The following TASP1 variants were observed in gnomAD, a reference collection of about 807,000 sequenced individuals.
TASP1 encodes taspase 1, also known as threonine aspartase 1.
In TASP1, 16 loss-of-function variants were observed where a neutral mutation model predicts 56.6. The ratio of observed to expected loss-of-function variants is 0.28; its 90% confidence interval spans 0.19 to 0.43. The LOEUF (loss-of-function observed/expected upper bound fraction) is 0.43, where lower values mean the gene tolerates loss of function less well. Among genes scored for constraint, TASP1 ranks in the 20% least tolerant of loss-of-function variants. The pLI is 1.00. For missense variants in TASP1, 393 were observed against 511.6 expected, an observed-to-expected ratio of 0.77 and a Z score of 2.24; for synonymous variants, 179 against 184.2, an observed-to-expected ratio of 0.97 and a Z score of 0.23.
chr20:13,182,745 G>T, the TASP1 span, among the ~76,000 whole-genome samples: 1 of 152,078 alleles, frequency 6.6e-6, no homozygotes, highest in Non-Finnish European at 1.5e-5. Context: ...ACCCACAGCA[G>T]AAATTAATAA....
intron 11 of TASP1, among the ~76,000 whole-genome samples, chr20:13,437,888 C>T (rs6134872): frequency 0.16 from 24,762 of 152,056 alleles, 2,363 homozygotes; most frequent in Middle Eastern, 0.23. Context: ...GAACACTCCA[C>T]GCTCATGGGT....
At chr20:13,547,967 T>A (rs938113511) in intron 8 of TASP1, among the ~76,000 whole-genome samples, 1 of 151,996 alleles carries the variant, frequency 6.6e-6, no homozygotes, top group Non-Finnish European at 1.5e-5. Flanking sequence ...GAGAGACAAT[T>A]GGAGCAGCAC....
At chr20:13,328,895 TG>T in the TASP1 span, among the ~76,000 whole-genome samples, 2 of 152,132 alleles carry the variant, frequency 1.3e-5, no homozygotes, top group African/African-American at 4.8e-5. Flanking sequence ...CAGCAAACCA[TG>T]GCAAACATTT....
intron 10 of TASP1, among the ~76,000 whole-genome samples, chr20:13,505,202 A>C (rs2044086564): frequency 6.6e-6 from 1 of 152,162 alleles, no homozygotes; most frequent in South Asian, 2.1e-4. Context: ...TGATAAAGTG[A>C]TTAATTCACC....
chr20:13,443,080 C>T (rs374423055), intron 11 of TASP1, among the ~76,000 whole-genome samples: 5 of 152,174 alleles, frequency 3.3e-5, no homozygotes, highest in African/African-American at 1.2e-4. Context: ...CATTTGGTGG[C>T]AGTAACATTG....
intron 6 of TASP1, among the ~76,000 whole-genome samples, chr20:13,571,757 C>A (rs1412941447): frequency 6.6e-6 from 1 of 152,184 alleles, no homozygotes; most frequent in Non-Finnish European, 1.5e-5. Flanking sequence ...TAAAAATCTA[C>A]AAGCTCCCAT....
At chr20:13,564,150 G>A (rs1163063726) in intron 7 of TASP1, among the ~76,000 whole-genome samples, 1 of 152,078 alleles carries the variant, frequency 6.6e-6, no homozygotes, top group Non-Finnish European at 1.5e-5. Context: ...AATTATACTT[G>A]ATCTTATACT....
chr20:13,229,229 TCA>T, the TASP1 span, among the ~76,000 whole-genome samples: 65 of 152,322 alleles, frequency 4.3e-4, no homozygotes, highest in Admixed American at 3.3e-3. Flanking sequence ...GGGTTCAGTT[TCA>T]TTTTTGACAG....
At chr20:13,286,558 G>T in the TASP1 span, among the ~76,000 whole-genome samples, 3 of 152,180 alleles carry the variant, frequency 2.0e-5, no homozygotes, top group Admixed American at 2.0e-4. Context: ...CTTTTTGGGG[G>T]ATTGGGAGGA....
chr20:13,334,007 CA>C, the TASP1 span, among the ~76,000 whole-genome samples: 23 of 152,306 alleles, frequency 1.5e-4, no homozygotes, highest in South Asian at 4.8e-3. Context: ...TGCATAATTT[CA>C]AAATTCCTGG....
chr20:13,213,989 C>T, the TASP1 span, among the ~76,000 whole-genome samples: 1 of 152,034 alleles, frequency 6.6e-6, no homozygotes, highest in Admixed American at 6.6e-5. Flanking sequence ...TGTTGAAGAC[C>T]GAAGGTGATA....
the TASP1 span, among the ~76,000 whole-genome samples, chr20:13,212,088 A>G: frequency 6.6e-6 from 1 of 152,034 alleles, no homozygotes; most frequent in East Asian, 1.9e-4. Flanking sequence ...CAACATACCC[A>G]TTTCCTTTGC....
intron 10 of TASP1, among the ~76,000 whole-genome samples, chr20:13,521,924 C>T (rs1246013162): frequency 2.0e-5 from 3 of 151,944 alleles, no homozygotes; most frequent in Non-Finnish European, 4.4e-5. Context: ...AGGAAGAACT[C>T]CATGTTTATA....
chr20:13,176,859 A>G, the TASP1 span, among the ~76,000 whole-genome samples: 604 of 152,316 alleles, frequency 4.0e-3, 2 homozygotes, highest in African/African-American at 0.014. Context: ...TCCCACGTAC[A>G]ATCGCTACCA....
chr20:13,496,515 T>C (rs1375719600), intron 10 of TASP1, among the ~76,000 whole-genome samples: 1 of 150,288 alleles, frequency 6.7e-6, no homozygotes, highest in African/African-American at 2.4e-5. Flanking sequence ...GGAGGATCAT[T>C]GGAGAAATGG....
chr20:13,615,634 A>G (rs1171220635), intron 4 of TASP1, among the ~76,000 whole-genome samples: 1 of 151,182 alleles, frequency 6.6e-6, no homozygotes, highest in Non-Finnish European at 1.5e-5. Flanking sequence ...CCTCCCGAGT[A>G]GCTGGGACTA....
chr20:13,437,305 A>T (rs1431208448), intron 11 of TASP1, among the ~76,000 whole-genome samples: 1 of 152,218 alleles, frequency 6.6e-6, no homozygotes, highest in African/African-American at 2.4e-5. Flanking sequence ...ACAAAATTCA[A>T]CAACGCTTCA....
intron 4 of TASP1, among the ~76,000 whole-genome samples, chr20:13,607,912 T>TAAGAAA (rs1450982149): frequency 6.6e-6 from 1 of 152,124 alleles, no homozygotes; most frequent in East Asian, 1.9e-4. Context: ...AGGCAAAGGC[T>TAAGAAA]TTAGTGAGCC....
At chr20:13,621,307 T>C (rs1168653476) in intron 4 of TASP1, among the ~76,000 whole-genome samples, 1 of 152,010 alleles carries the variant, frequency 6.6e-6, no homozygotes, top group East Asian at 1.9e-4. Context: ...GGTGCATGCC[T>C]GTAGTCCCAG....
Sources: allele counts gnomAD v4.1 joint callset (sites outside exome capture counted in the v4.1 genomes callset), GRCh38; gene constraint gnomAD v4.1.1; transcripts MANE v1.5; gene names NCBI Gene and HGNC (gene_info 2026-07-23, HGNC 2026-07-21).